Variants in ZFP1 observed in about 807,000 individuals in gnomAD.
The protein encoded by ZFP1 is zinc finger protein 1 homolog.
A neutral mutation model predicts 38.5 loss-of-function variants in ZFP1; 32 were observed. The ratio of observed to expected loss-of-function variants is 0.83; its 90% CI spans 0.63 to 1.12. ZFP1 has a LOEUF of 1.12. ZFP1 is among the 50% of genes most tolerant of loss of function. The pLI is 0.00. For missense variants in ZFP1, 616 were observed against 480.8 expected, an observed-to-expected ratio of 1.28 and a Z score of -2.63; for synonymous variants, 245 against 168.8, an observed-to-expected ratio of 1.45 and a Z score of -3.50.
At chr16:75,153,684 G>C (rs1183225185) in intron 2 of ZFP1, among the ~76,000 whole-genome samples, 1 of 152,012 alleles carries the variant, frequency 6.6e-6, no homozygotes, top group Non-Finnish European at 1.5e-5. Flanking sequence ...TGTTACAGTT[G>C]ATGAGCCAAT....
At chr16:75,152,106 T>C (rs1380743966) in intron 1 of ZFP1, among the ~76,000 whole-genome samples, 2 of 152,188 alleles carry the variant, frequency 1.3e-5, no homozygotes, top group African/African-American at 4.8e-5. Context: ...ATATAATATG[T>C]CTTTTTTCCT....
rs1332547663 is a variant in ZFP1 at position 75,170,047 on chromosome 16, A to G, written c.937A>G (p.Ile313Val). Residue 313 changes from isoleucine to valine, a missense_variant, in exon 4 of 4, where the codon ATA (isoleucine) becomes GTA (valine). Ile to Val is a conservative substitution (Grantham distance 29, BLOSUM62 3). Coordinates refer to ENST00000570010, the MANE Select transcript of ZFP1 (RefSeq NM_153688.4). ...CTTCTTTAAGAAGTCAAACCTTATCATACATCAGAAGATTCACACGGGGGA... is the reference window on the plus strand; with the variant it reads ...CTTCTTTAAGAAGTCAAACCTTATCGTACATCAGAAGATTCACACGGGGGA... ...KTFFKKSNLI[I>V]HQKIHTGEKR... 6.2e-7 allele frequency: 1 copy of G among 1,614,224 alleles called. No homozygotes were observed. Among genetic ancestry groups the G allele is most frequent in the Non-Finnish European group, 8.5e-7 (1 of 1,180,034 alleles).
chr16:75,155,670 T>C (rs1393982247), intron 2 of ZFP1, among the ~76,000 whole-genome samples: 2 of 152,186 alleles, frequency 1.3e-5, no homozygotes, highest in Non-Finnish European at 2.9e-5. Context: ...AGTTAAGAAA[T>C]AGAACATTAT....
At chr16:75,120,781 T>C in the ZFP1 span, among the ~76,000 whole-genome samples, 1 of 151,652 alleles carries the variant, frequency 6.6e-6, no homozygotes, top group South Asian at 2.1e-4. Context: ...GTTTGTTTGT[T>C]TGTTTGTTTG....
At chr16:75,156,688 T>C (rs1567527806) in intron 2 of ZFP1, among the ~76,000 whole-genome samples, 1 of 152,028 alleles carries the variant, frequency 6.6e-6, no homozygotes, top group Non-Finnish European at 1.5e-5. Context: ...TTGGTACGAA[T>C]ATAATTAGAG....
intron 2 of ZFP1, among the ~76,000 whole-genome samples, chr16:75,157,841 G>A (rs1262442421): frequency 6.6e-6 from 1 of 152,006 alleles, no homozygotes; most frequent in Non-Finnish European, 1.5e-5. Context: ...TGTTACCCAG[G>A]CTGGAGTGCA....
chr16:75,133,069 C>G, the ZFP1 span, among the ~76,000 whole-genome samples: 1 of 151,924 alleles, frequency 6.6e-6, no homozygotes, highest in Admixed American at 6.6e-5. Flanking sequence ...CCTCTACCTG[C>G]TGGGTTCAAG....
intron 2 of ZFP1, among the ~76,000 whole-genome samples, chr16:75,158,490 G>C (rs1161743086): frequency 1.3e-5 from 2 of 151,266 alleles, no homozygotes; most frequent in Non-Finnish European, 3.0e-5. Flanking sequence ...CTACAGGCCT[G>C]TGACAGTTAA....
At chr16:75,163,909 C>G (rs1029057413) in intron 2 of ZFP1, among the ~76,000 whole-genome samples, 2 of 152,210 alleles carry the variant, frequency 1.3e-5, no homozygotes, top group African/African-American at 2.4e-5. Context: ...AGCACCGGCA[C>G]TGTTTATGTC....
intron 2 of ZFP1, among the ~76,000 whole-genome samples, chr16:75,160,968 C>T (rs1479561444): frequency 6.6e-6 from 1 of 152,174 alleles, no homozygotes; most frequent in Non-Finnish European, 1.5e-5. Flanking sequence ...TAAGTTTCAA[C>T]ATGAAATTTT....
chr16:75,169,186 T>C, intron 3 of ZFP1, 67 bp from the exon 4 acceptor site: 2 of 1,516,180 alleles, frequency 1.3e-6, no homozygotes, highest in Non-Finnish European at 1.8e-6. Flanking sequence ...GTGTGAAGAC[T>C]TCCCATTCGG....
intron 3 of ZFP1, among the ~76,000 whole-genome samples, chr16:75,167,857 G>T (rs2038182654): frequency 6.6e-6 from 1 of 152,152 alleles, no homozygotes; most frequent in Admixed American, 6.5e-5. Context: ...AGCATTTTGG[G>T]AGGCTGAGGC....
the ZFP1 span, among the ~76,000 whole-genome samples, chr16:75,134,335 T>C: frequency 6.6e-6 from 1 of 152,224 alleles, no homozygotes; most frequent in Non-Finnish European, 1.5e-5. Flanking sequence ...AGTTTATTAA[T>C]TTTGTGAAAT....
At chr16:75,168,541 T>G (rs2038226589) in intron 3 of ZFP1, among the ~76,000 whole-genome samples, 1 of 48,586 alleles carries the variant, frequency 2.1e-5, no homozygotes, top group African/African-American at 9.4e-5. Flanking sequence ...CCCAGCAACT[T>G]CAGTAGAAAA....
intron 2 of ZFP1, among the ~76,000 whole-genome samples, chr16:75,153,298 G>C (rs1207555763): frequency 6.6e-6 from 1 of 152,152 alleles, no homozygotes; most frequent in Non-Finnish European, 1.5e-5. Context: ...CTCAGTGCAA[G>C]TGCAGAAGAT....
At chr16:75,166,575 A>G in intron 2 of ZFP1, 195 bp from the exon 3 acceptor site, 11 of 985,318 alleles carry the variant, frequency 1.1e-5, no homozygotes, top group South Asian at 4.7e-5. Flanking sequence ...TGACAGTGCC[A>G]GAGATATAGG....
At chr16:75,120,532 T>C in the ZFP1 span, among the ~76,000 whole-genome samples, 4 of 152,168 alleles carry the variant, frequency 2.6e-5, no homozygotes, top group African/African-American at 9.6e-5. Context: ...TTTTTTGTTT[T>C]TTTTTTTGAC....
At chr16:75,161,678 T>A (rs1398001753) in intron 2 of ZFP1, among the ~76,000 whole-genome samples, 1 of 146,712 alleles carries the variant, frequency 6.8e-6, no homozygotes, top group Non-Finnish European at 1.5e-5. Flanking sequence ...CCTTCGAATT[T>A]TTTTCTTCCA....
chr16:75,163,724 A>G (rs2037912698), intron 2 of ZFP1, among the ~76,000 whole-genome samples: 2 of 150,936 alleles, frequency 1.3e-5, no homozygotes, highest in South Asian at 4.2e-4. Flanking sequence ...CTGTCCTCCT[A>G]CCTGAACCTC....
Sources: allele counts gnomAD v4.1 joint callset (sites outside exome capture counted in the v4.1 genomes callset), GRCh38; gene constraint gnomAD v4.1.1; transcripts MANE v1.5; gene names NCBI Gene and HGNC (gene_info 2026-07-23, HGNC 2026-07-21).